KDM6A: variants seen among roughly 807,000 people sequenced by gnomAD.
KDM6A encodes lysine demethylase 6A.
Under a neutral mutation model 117.6 loss-of-function variants are expected in KDM6A, and 11 were observed. That is an observed-to-expected ratio of 0.09 (90% CI 0.06 to 0.15). The LOEUF is 0.15. KDM6A is among the 10% of genes least tolerant of loss of function. The probability of loss-of-function intolerance (pLI) is 1.00; values close to 1 mark genes in which losing one functional copy is unlikely to be tolerated. For missense variants in KDM6A, 799 were observed against 1,077.3 expected (o/e 0.74, Z 3.62); for synonymous variants, 384 against 396.1 (o/e 0.97, Z 0.36).
intron 3 of KDM6A, among the ~76,000 whole-genome samples, chrX:44,962,682 A>T (rs1016408756): frequency 1.5e-4 from 17 of 111,329 alleles, no homozygotes; most frequent in African/African-American, 5.0e-4. Context: ...ATCAAACAAA[A>T]TTTTTTTGTT....
chrX:44,914,260 C>T (rs911605944), intron 2 of KDM6A, among the ~76,000 whole-genome samples: 1 of 112,062 alleles, frequency 8.9e-6, no homozygotes, highest in East Asian at 2.8e-4. Flanking sequence ...GGGGTCAGCA[C>T]GCCTATCTGC....
chrX:45,107,279 T>C (rs1432282342), intron 27 of KDM6A, 131 bp from the exon 28 acceptor site: 2 of 634,037 alleles, frequency 3.2e-6, no homozygotes, highest in Non-Finnish European at 5.0e-6. Context: ...GATAAATTGA[T>C]GAAAGAAAAA....
intron 10 of KDM6A, among the ~76,000 whole-genome samples, chrX:45,056,162 G>A (rs1423199968): frequency 9.0e-6 from 1 of 111,213 alleles, no homozygotes; most frequent in East Asian, 2.8e-4. Context: ...TCGGGTTCAA[G>A]GTTATCATTT....
chrX:45,111,364 C>G lies in KDM6A; in HGVS notation c.4333-18C>G, dbSNP rs749739543. 1.7e-6 allele frequency: 2 copies of G among 1,175,420 alleles called. No individual in the cohort carries two copies. Among genetic ancestry groups the G allele is most frequent in the Non-Finnish European group, 2.3e-6 (2 of 862,742 alleles). On this transcript the variant is annotated intron_variant, in intron 29 of 29. Transcript: ENST00000611820. ...ACAATTTGTATATCAAAATAACCTA[C>G]CTTACTTTTATTTTCAGGCTCCTCC... is the stretch of plus-strand genomic sequence containing the variant.
intron 19 of KDM6A, 74 bp downstream of exon 19, chrX:45,076,900 A>G: frequency 1.1e-6 from 1 of 923,474 alleles, no homozygotes; most frequent in Non-Finnish European, 1.6e-6. Flanking sequence ...CTTTAAATTT[A>G]CATGGATGCC....
chrX:44,958,590 A>C (rs12014181), intron 2 of KDM6A, among the ~76,000 whole-genome samples: 14,688 of 101,792 alleles, frequency 0.14, 1,863 homozygotes, highest in African/African-American at 0.38. Flanking sequence ...TCTGTGTGGG[A>C]CAACTATATA....
chrX:45,090,256 A>G (rs1191984593), intron 26 of KDM6A, among the ~76,000 whole-genome samples: 1 of 112,260 alleles, frequency 8.9e-6, no homozygotes, highest in Non-Finnish European at 1.9e-5. Flanking sequence ...AAAAAAATCT[A>G]GTGTTTCATA....
At chrX:44,947,059 G>T (rs1265442382) in intron 2 of KDM6A, among the ~76,000 whole-genome samples, 1 of 111,555 alleles carries the variant, frequency 9.0e-6, no homozygotes, top group Non-Finnish European at 1.9e-5. Context: ...AGCCATTTTC[G>T]TAGCATATTT....
intron 4 of KDM6A, among the ~76,000 whole-genome samples, chrX:44,984,183 G>T (rs1286749069): frequency 4.5e-5 from 5 of 110,475 alleles, no homozygotes; most frequent in Non-Finnish European, 7.6e-5. Flanking sequence ...ATTTTTTCAT[G>T]TGTCTTTTGG....
intron 2 of KDM6A, among the ~76,000 whole-genome samples, chrX:44,922,346 G>C (rs1200307387): frequency 9.1e-6 from 1 of 109,454 alleles, no homozygotes; most frequent in Non-Finnish European, 1.9e-5. Flanking sequence ...TTTTAATTGT[G>C]CTTCTCTAAT....
intron 5 of KDM6A, among the ~76,000 whole-genome samples, chrX:45,016,501 T>G (rs868288684): frequency 1.5e-4 from 14 of 94,122 alleles, no homozygotes; most frequent in Admixed American, 1.2e-4. Flanking sequence ...ATGTATGTAT[T>G]TGTTTATTTA....
chrX:44,924,252 G>A (rs943573733), intron 2 of KDM6A, among the ~76,000 whole-genome samples: 35 of 111,699 alleles, frequency 3.1e-4, no homozygotes, highest in African/African-American at 1.1e-3. Context: ...CTCATGCCTG[G>A]TAACTTTTGT....
At chrX:44,986,185 G>C (rs2040214672) in intron 4 of KDM6A, among the ~76,000 whole-genome samples, 1 of 111,933 alleles carries the variant, frequency 8.9e-6, no homozygotes, top group African/African-American at 3.3e-5. Flanking sequence ...AGATTTTCTA[G>C]TTTATTTGTG....
At chrX:44,943,018 G>GT (rs2037423438) in intron 2 of KDM6A, among the ~76,000 whole-genome samples, 1 of 111,037 alleles carries the variant, frequency 9.0e-6, no homozygotes, top group African/African-American at 3.3e-5. Flanking sequence ...TCTCATTGTG[G>GT]TCTTTTGTAT....
chrX:45,019,614 T>G (rs2042096098), intron 5 of KDM6A, among the ~76,000 whole-genome samples: 1 of 111,899 alleles, frequency 8.9e-6, no homozygotes, highest in African/African-American at 3.2e-5. Context: ...AATAGCCACT[T>G]TAAGGTCTGT....
chrX:44,977,567 C>CT (rs1405469083), intron 4 of KDM6A, among the ~76,000 whole-genome samples: 1 of 111,499 alleles, frequency 9.0e-6, no homozygotes, highest in African/African-American at 3.3e-5. Context: ...CTTGGCCTGT[C>CT]TTTTAATACT....
intron 8 of KDM6A, among the ~76,000 whole-genome samples, chrX:45,040,249 G>A (rs192896543): frequency 0.021 from 1,949 of 92,302 alleles, 17 homozygotes; most frequent in South Asian, 0.054. Flanking sequence ...TGGATAGGGC[G>A]GCTGGCCCGG....
chrX:45,019,552 G>A (rs192631416), intron 5 of KDM6A, among the ~76,000 whole-genome samples: 5 of 111,703 alleles, frequency 4.5e-5, no homozygotes, highest in African/African-American at 1.3e-4. Context: ...ATGATGTTTC[G>A]AACTATTTTA....
chrX:44,955,286 G>A, intron 2 of KDM6A, among the ~76,000 whole-genome samples: 1 of 110,667 alleles, frequency 9.0e-6, no homozygotes, highest in Non-Finnish European at 1.9e-5. Flanking sequence ...GAAGAAAGAG[G>A]AGTGAGGAAG....
Sources: gnomAD v4.1 joint callset for allele counts (sites outside exome capture counted in the v4.1 genomes callset) on GRCh38, gnomAD v4.1.1 for gene constraint, MANE v1.5 for transcripts, NCBI Gene and HGNC (gene_info 2026-07-23, HGNC 2026-07-21) for gene names.